The following GRB2 variants were observed in gnomAD, a reference collection of about 807,000 sequenced individuals.
The protein encoded by GRB2 is growth factor receptor-bound protein 2.
A neutral mutation model predicts 27.4 loss-of-function variants in GRB2; 2 were observed. The observed-to-expected ratio is 0.07, with a 90% CI of 0.03 to 0.23. GRB2 has a LOEUF of 0.23. Ranked by LOEUF, GRB2 falls within the 10% of genes least tolerant of loss-of-function variation. The probability of loss-of-function intolerance (pLI) is 1.00; values close to 1 mark genes in which losing one functional copy is unlikely to be tolerated. For synonymous variants in GRB2, 94 were observed against 99.6 expected (o/e 0.94, Z 0.33); for missense variants, 102 against 282.4 (o/e 0.36, Z 4.58).
chr17:75,368,719 A>T (rs1397694659), intron 2 of GRB2, among the ~76,000 whole-genome samples: 1 of 150,914 alleles, frequency 6.6e-6, no homozygotes, highest in African/African-American at 2.4e-5. Flanking sequence ...TCATTTTTTT[A>T]TTTTTATTTT....
chr17:75,366,599 A>C (rs1484752972), intron 2 of GRB2, among the ~76,000 whole-genome samples: 2 of 151,938 alleles, frequency 1.3e-5, no homozygotes, highest in Non-Finnish European at 2.9e-5. Flanking sequence ...AGGAATTCAA[A>C]GCCAGCCTGG....
intron 3 of GRB2, 157 bp from the exon 4 acceptor site, chr17:75,326,177 G>T: frequency 1.3e-6 from 1 of 771,938 alleles, no homozygotes; most frequent in Non-Finnish European, 2.1e-6. Context: ...CACTGGGTTG[G>T]GTCCCCAGAG....
chr17:75,403,463 G>A (rs1462432567), intron 1 of GRB2, among the ~76,000 whole-genome samples: 1 of 152,070 alleles, frequency 6.6e-6, no homozygotes, highest in African/African-American at 2.4e-5. Context: ...ACGAAGTAAA[G>A]TGCCTCAAAC....
chr17:75,325,980 T>C lies in GRB2; in HGVS notation c.217A>G (p.Met73Val), dbSNP rs1393017493. The C allele has an allele frequency of 1.2e-6, 2 of 1,614,158 alleles. No individual in the cohort carries two copies. Among genetic ancestry groups the C allele is most frequent in the Admixed American group, 3.3e-5 (2 of 60,006 alleles). ...GKIPRAKAEE[M>V]LSKQRHDGAF... ...CCATCGTGCCGCTGTTTGCTAAGCA[T>C]TTCTTCTGCCTTGGCTCTGGGGATT... The change falls in exon 4 of 6, where the codon ATG becomes GTG. Residue 73 changes from methionine to valine, a missense_variant. This residue lies in a region of GRB2 where 45 missense variants were observed against 110.6 expected (regional missense o/e 0.41). Coordinates refer to ENST00000316804, the MANE Select transcript of GRB2 (RefSeq NM_002086.5).
rs35811117 is a variant in GRB2 at position 75,369,690 on chromosome 17, CA to C, written c.78+23860del. 3.4e-3 allele frequency among the ~76,000 whole-genome samples: 414 copies of C among 120,626 alleles called. 5 individuals are homozygous for C. Among genetic ancestry groups the C allele is most frequent in the Middle Eastern group, 0.012 (3 of 244 alleles). 79.1% of individuals were successfully genotyped at this position (120,626 alleles called of 152,430 possible). ...GGCAACATGGTGAAACCGTCTCCAC[CA>C]AAAAAAAAAAAAAAAAAATTAGCCG... On this transcript the variant is annotated intron_variant, in intron 2 of 5. Coordinates refer to ENST00000316804, the MANE Select transcript of GRB2 (RefSeq NM_002086.5).
intron 2 of GRB2, among the ~76,000 whole-genome samples, chr17:75,341,649 C>T (rs574479232): frequency 3.3e-5 from 5 of 152,032 alleles, no homozygotes; most frequent in South Asian, 2.1e-4. Flanking sequence ...CAACTTTCCA[C>T]GGTAAAAATC....
At chr17:75,352,466 T>C (rs892019211) in intron 2 of GRB2, among the ~76,000 whole-genome samples, 4 of 152,026 alleles carry the variant, frequency 2.6e-5, no homozygotes, top group African/African-American at 9.7e-5. Context: ...CCTGATTTCA[T>C]GTTGTGCTTA....
chr17:75,345,262 T>C (rs1166171722), intron 2 of GRB2, among the ~76,000 whole-genome samples: 6 of 152,032 alleles, frequency 3.9e-5, no homozygotes, highest in Admixed American at 2.0e-4. Context: ...GCCAGGATGG[T>C]CTCGATCTCC....
chr17:75,359,238 G>A (rs2078761894), intron 2 of GRB2, among the ~76,000 whole-genome samples: 1 of 150,272 alleles, frequency 6.7e-6, no homozygotes, highest in African/African-American at 2.4e-5. Context: ...AATAGCTGAT[G>A]GCTCATACAT....
chr17:75,332,808 A>G lies in GRB2; in HGVS notation c.79-11T>C. 2.0e-6 allele frequency: 3 copies of G among 1,530,992 alleles called. No individual in the cohort carries two copies. The highest frequency in any genetic ancestry group is 1.2e-5 in the South Asian group (1 of 86,568). The allele number at this position is 1,530,992 out of a possible 1,614,324, so 94.8% of individuals were successfully genotyped here. On this transcript the variant is annotated splice_polypyrimidine_tract_variant and intron_variant, in intron 2 of 5. Coordinates refer to ENST00000316804, the MANE Select transcript of GRB2 (RefSeq NM_002086.5). ...TTCTTCGTTCAAAACCTGAAAAGAA[A>G]TAAGACAACAAAAAAACCCAATCAT...
chr17:75,371,117 C>G lies in GRB2; in HGVS notation c.78+22434G>C, dbSNP rs575460180. The G allele has an allele frequency of 2.0e-5, 3 of 152,384 alleles. No individual in the cohort carries two copies. In the East Asian group the frequency reaches 5.8e-4, roughly 29 times the overall value. 9.4% of individuals were successfully genotyped at this position (152,384 alleles called of 1,614,324 possible). On this transcript the variant is annotated intron_variant, in intron 2 of 5. Transcript: ENST00000316804. ...TTGAGTCCAGGAGTCCGAGACCAGT[C>G]TGGGCAACATGGCAAGACCTAATCA...
chr17:75,395,101 A>G (rs907027469), intron 1 of GRB2: 2 of 152,224 alleles, frequency 1.3e-5, no homozygotes, highest in African/African-American at 4.8e-5. Flanking sequence ...AGTGATTATT[A>G]TTCCTTTGTT....
At chr17:75,323,049 G>A (rs750679808) in intron 4 of GRB2, among the ~76,000 whole-genome samples, 3 of 151,180 alleles carry the variant, frequency 2.0e-5, no homozygotes, top group African/African-American at 7.3e-5. Context: ...AACCCGGGAG[G>A]AGGAGCTTGC....
chr17:75,348,708 T>TAAA (rs1440055058), intron 2 of GRB2, among the ~76,000 whole-genome samples: 4 of 152,172 alleles, frequency 2.6e-5, no homozygotes, highest in African/African-American at 9.7e-5. Context: ...AGGGTCTTAC[T>TAAA]CTGTTACCCA....
chr17:75,365,179 T>G (rs1401132440), intron 2 of GRB2, among the ~76,000 whole-genome samples: 2 of 152,132 alleles, frequency 1.3e-5, no homozygotes, highest in Non-Finnish European at 2.9e-5. Flanking sequence ...CCAACCCCAC[T>G]GCAGCTCCAT....
At chr17:75,343,297 A>G (rs1346747064) in intron 2 of GRB2, among the ~76,000 whole-genome samples, 1 of 152,102 alleles carries the variant, frequency 6.6e-6, no homozygotes, top group Non-Finnish European at 1.5e-5. Context: ...AATAGCTACA[A>G]CTCTGCCAGC....
At position 75,329,230 on chromosome 17, in the gene GRB2, C is replaced by T. The variant is rs918777386; in HGVS notation, c.177-3210G>A. Among the ~76,000 whole-genome samples the T allele has an allele frequency of 5.9e-5, 9 of 152,206 alleles. No homozygotes were observed. The East Asian group carries it at 1.4e-3, about 23-fold the overall frequency. On this transcript the variant is annotated intron_variant, in intron 3 of 5. Transcript: ENST00000316804. ...CAGCAAGGCTCTCTTTCCTCCTAGG[C>T]CCCCAAGATCTCTCCACTAGGGAGG...
At chr17:75,342,625 C>T (rs997209019) in intron 2 of GRB2, among the ~76,000 whole-genome samples, 9 of 152,018 alleles carry the variant, frequency 5.9e-5, no homozygotes, top group Non-Finnish European at 1.0e-4. Flanking sequence ...AGAAAGACTG[C>T]CATGAGTTTG....
intron 2 of GRB2, among the ~76,000 whole-genome samples, chr17:75,339,475 A>G (rs567973267): frequency 2.3e-4 from 35 of 150,314 alleles, no homozygotes; most frequent in African/African-American, 7.8e-4. Flanking sequence ...TTACTTCAAA[A>G]TATATATATA....
Sources: gnomAD v4.1 joint callset for allele counts (sites outside exome capture counted in the v4.1 genomes callset) on GRCh38, gnomAD v4.1.1 for gene constraint, gnomAD v4.1.1 regional missense constraint, MANE v1.5 for transcripts, NCBI Gene and HGNC (gene_info 2026-07-23, HGNC 2026-07-21) for gene names.